MYOM2: variants seen among roughly 807,000 people sequenced by gnomAD.
MYOM2 encodes the protein myomesin 2, also known as myomesin-2.
Under a neutral mutation model 187.6 loss-of-function variants are expected in MYOM2, and 254 were observed. The observed-to-expected ratio is 1.35, with a 90% CI of 1.22 to 1.50. The LOEUF is 1.50. Among genes scored for constraint, MYOM2 ranks in the 40% most tolerant of loss-of-function variants. The probability of loss-of-function intolerance (pLI) is 0.00; values close to 1 mark genes in which losing one functional copy is unlikely to be tolerated. For synonymous variants in MYOM2, 981 were observed against 753.8 expected (o/e 1.30, Z -4.94); for missense variants, 2,796 against 1,924.0 (o/e 1.45, Z -8.48).
intron 13 of MYOM2, among the ~76,000 whole-genome samples, 169 bp downstream of exon 13, chr8:2,079,782 A>C (rs2129337215): frequency 6.6e-6 from 1 of 152,320 alleles, no homozygotes; most frequent in Non-Finnish European, 1.5e-5. Context: ...AGTTAAAAAA[A>C]AGAAAAAATC....
chr8:2,142,987 C>G (rs556348440), intron 35 of MYOM2, among the ~76,000 whole-genome samples: 1 of 151,966 alleles, frequency 6.6e-6, no homozygotes, highest in Non-Finnish European at 1.5e-5. Context: ...AACTCCTGAC[C>G]TCAGATGATC....
intron 13 of MYOM2, among the ~76,000 whole-genome samples, chr8:2,080,717 C>G (rs1819591320): frequency 6.6e-6 from 1 of 152,228 alleles, no homozygotes; most frequent in African/African-American, 2.4e-5. Context: ...ATGATTAAAA[C>G]ATGGATATTT....
intron 32 of MYOM2, among the ~76,000 whole-genome samples, chr8:2,136,543 G>C (rs1033019650): frequency 7.2e-5 from 11 of 152,186 alleles, no homozygotes; most frequent in Admixed American, 2.6e-4. Flanking sequence ...CTGAAGTAGA[G>C]GGTCACTTTT....
chr8:2,078,753 A>T lies in MYOM2; in HGVS notation c.1282A>T (p.Asn428Tyr). Residue 428 changes from asparagine to tyrosine, a missense_variant, in exon 12 of 37, where the codon AAT becomes TAT. Physicochemically the swap from Asn to Tyr is moderately radical, Grantham distance 143. Coordinates refer to ENST00000262113, the MANE Select transcript of MYOM2 (RefSeq NM_003970.4). The part of the protein sequence containing the change: ...FVDRCEVGTN[N>Y]WVQCNDAPVK... ...TTGAAGATGTGAAGTAGGAACGAAT[A>T]ATTGGGTGCAGTGCAATGATGCACC... 3.1e-6 allele frequency: 5 copies of T among 1,614,098 alleles called. No individual in the cohort carries two copies. Among genetic ancestry groups the T allele is most frequent in the Non-Finnish European group, 4.2e-6 (5 of 1,180,012 alleles).
chr8:2,050,063 T>A (rs539021606), intron 1 of MYOM2, among the ~76,000 whole-genome samples: 3 of 152,082 alleles, frequency 2.0e-5, no homozygotes, highest in East Asian at 3.9e-4. Context: ...TTTTTCCACA[T>A]CCCCCTTTGC....
intron 20 of MYOM2, 27 bp downstream of exon 20, chr8:2,101,081 C>T (rs1267749332): frequency 2.5e-6 from 4 of 1,610,836 alleles, no homozygotes; most frequent in South Asian, 1.1e-5. Context: ...TGTGGTGGCT[C>T]ATGCCTGTAA....
chr8:2,052,508 T>C (rs11136459), intron 3 of MYOM2, among the ~76,000 whole-genome samples, 195 bp downstream of exon 3: 28,741 of 152,160 alleles, frequency 0.19, 3,377 homozygotes, highest in African/African-American at 0.32. Context: ...TCAATTAATC[T>C]GAACAAGAAA....
chr8:2,122,779 T>G (rs1797500832), intron 28 of MYOM2, among the ~76,000 whole-genome samples: 1 of 152,242 alleles, frequency 6.6e-6, no homozygotes, highest in Non-Finnish European at 1.5e-5. Flanking sequence ...GGGAAGGTCC[T>G]CACCTCTAGT....
chr8:2,098,815 C>A, intron 18 of MYOM2, 42 bp from the exon 19 acceptor site: 1 of 1,571,540 alleles, frequency 6.4e-7, no homozygotes, highest in Non-Finnish European at 8.7e-7. Context: ...GGCTGTAAGG[C>A]ATCCTTTATC....
Position 2,108,823 on chromosome 8 carries a change from G to T in MYOM2, c.3036G>T (p.Lys1012Asn). 1 of 1,613,876 alleles carries T rather than the reference G, an allele frequency of 6.2e-7. No homozygotes were observed. The highest frequency in any genetic ancestry group is 8.5e-7 in the Non-Finnish European group (1 of 1,179,934). Residue 1012 changes from lysine to asparagine, a missense_variant, in exon 24 of 37, where the codon AAG becomes AAT. Lys to Asn is a moderately conservative substitution (Grantham distance 94). Coordinates refer to ENST00000262113, the MANE Select transcript of MYOM2 (RefSeq NM_003970.4). ...ERLMALSNEI[K>N]NPTIPLKSEL... ...TGATGGCATTGAGCAATGAAATAAAGAACCCCAGTAAGTAAGCCTCCAGCC... is the reference window on the plus strand; with the variant it reads ...TGATGGCATTGAGCAATGAAATAAATAACCCCAGTAAGTAAGCCTCCAGCC...
intron 31 of MYOM2, among the ~76,000 whole-genome samples, chr8:2,126,512 ACT>A (rs1797643448): frequency 1.3e-5 from 2 of 152,148 alleles, no homozygotes; most frequent in Non-Finnish European, 2.9e-5. Flanking sequence ...GAACTCACAC[ACT>A]GACACACACA....
chr8:2,069,261 GT>G lies in MYOM2; in HGVS notation c.654-10del. 6.2e-6 allele frequency: 10 copies of G among 1,602,484 alleles called. 1 individual carries two copies. In the South Asian group the frequency reaches 6.7e-5, roughly 11 times the overall value. On this transcript the variant is annotated splice_polypyrimidine_tract_variant and intron_variant, in intron 6 of 36. Coordinates refer to ENST00000262113, the MANE Select transcript of MYOM2 (RefSeq NM_003970.4). Reference sequence around the variant, plus strand: ...ACAACAGTCCCGCAGACTTTCTCTTGTTTTTTTCTCTCCAAGGGCAGACTTT... The same window carrying G: ...ACAACAGTCCCGCAGACTTTCTCTTGTTTTTTCTCTCCAAGGGCAGACTTT...
At chr8:2,072,623 A>G (rs868411965) in intron 9 of MYOM2, 114 bp downstream of exon 9, 17 of 1,281,526 alleles carry the variant, frequency 1.3e-5, no homozygotes, top group Middle Eastern at 5.5e-4. Context: ...TCAGCTCCAG[A>G]CAGCGAAACA....
At chr8:2,117,787 C>G in intron 27 of MYOM2, 98 bp from the exon 28 acceptor site, 1 of 720,474 alleles carries the variant, frequency 1.4e-6, no homozygotes, top group Non-Finnish European at 2.3e-6. Flanking sequence ...TATATACACA[C>G]CATGCATATA....
chr8:2,139,386 T>C (rs11782581), intron 32 of MYOM2, among the ~76,000 whole-genome samples: 119,007 of 151,822 alleles, frequency 0.78, 47,105 homozygotes, highest in African/African-American at 0.91. Flanking sequence ...TGTGTTCCTC[T>C]TGCCTTCGCT....
intron 21 of MYOM2, 53 bp downstream of exon 21, chr8:2,102,834 G>A (rs981923249): frequency 5.6e-6 from 8 of 1,425,534 alleles, no homozygotes; most frequent in Non-Finnish European, 7.9e-6. Context: ...GGGAGAGTGT[G>A]CATGTATTAT....
intron 20 of MYOM2, among the ~76,000 whole-genome samples, chr8:2,101,570 T>C (rs1796711106): frequency 6.6e-6 from 1 of 152,158 alleles, no homozygotes; most frequent in Non-Finnish European, 1.5e-5. Flanking sequence ...GAACAGTGCC[T>C]TGAGGACGCA....
intron 1 of MYOM2, among the ~76,000 whole-genome samples, chr8:2,048,537 A>G (rs1358436228): frequency 6.6e-6 from 1 of 151,604 alleles, no homozygotes; most frequent in Non-Finnish European, 1.5e-5. Flanking sequence ...GCAGCATAAC[A>G]GAGACAGCAA....
chr8:2,097,814 G>C (rs1445379859), intron 18 of MYOM2, among the ~76,000 whole-genome samples: 1 of 152,214 alleles, frequency 6.6e-6, no homozygotes, highest in Non-Finnish European at 1.5e-5. Context: ...ACTGTGCCCA[G>C]CCTAAAATCT....
Sources: gnomAD v4.1 joint callset for allele counts (sites outside exome capture counted in the v4.1 genomes callset) on GRCh38, gnomAD v4.1.1 for gene constraint, MANE v1.5 for transcripts, NCBI Gene and HGNC (gene_info 2026-07-23, HGNC 2026-07-21) for gene names.